CENPE: variants seen among roughly 807,000 people sequenced by gnomAD.
The protein encoded by CENPE is centromere-associated protein E.
In CENPE, 145 loss-of-function variants were observed where a neutral mutation model predicts 336.1. The observed-to-expected ratio is 0.43, with a 90% CI of 0.38 to 0.50. CENPE has a LOEUF of 0.50. Ranked by LOEUF, CENPE falls within the 20% of genes least tolerant of loss-of-function variation. The probability of loss-of-function intolerance (pLI) is 0.00; values close to 1 mark genes in which losing one functional copy is unlikely to be tolerated. For missense variants in CENPE, 2,719 were observed against 3,023.3 expected, an observed-to-expected ratio of 0.90 and a Z score of 2.36; for synonymous variants, 1,013 against 984.8, an observed-to-expected ratio of 1.03 and a Z score of -0.54.
rs527871382 is a variant in CENPE at position 103,184,434 on chromosome 4, G to T, written c.746-1146C>A. On this transcript the variant is annotated intron_variant, in intron 9 of 48. Coordinates refer to ENST00000265148, the MANE Select transcript of CENPE (RefSeq NM_001813.3). Reference sequence around the variant, plus strand: ...TTTAAGGCATCTGGACTTTGTATCAGTTACAAAAGGGTTTTCCCACTGTAA... The same window carrying T: ...TTTAAGGCATCTGGACTTTGTATCATTTACAAAAGGGTTTTCCCACTGTAA... 1.6e-4 allele frequency among the ~76,000 whole-genome samples: 24 copies of T among 152,256 alleles called. No homozygotes were observed. In the East Asian group the frequency reaches 4.1e-3, roughly 26 times the overall value.
chr4:103,155,396 A>G (rs1753883511), intron 24 of CENPE, among the ~76,000 whole-genome samples: 1 of 152,088 alleles, frequency 6.6e-6, no homozygotes, highest in African/African-American at 2.4e-5. Context: ...TGCAGCCTCA[A>G]CCTTCCTGGG....
Position 103,153,201 on chromosome 4 carries a change from G to T in CENPE, c.3083C>A (p.Thr1028Lys). The T allele has an allele frequency of 2.5e-6, 4 of 1,612,760 alleles. No individual in the cohort carries two copies. Among genetic ancestry groups the T allele is most frequent in the Non-Finnish European group, 3.4e-6 (4 of 1,179,426 alleles). Residue 1028 changes from threonine (T) to lysine (K), a missense_variant, in exon 25 of 49, where the codon ACA (threonine) becomes AAA (lysine). Thr to Lys is a moderately conservative substitution (Grantham distance 78). Transcript: ENST00000265148. ...ATTATCCTTAACATCTGCAGTTAGT[G>T]TTTGGGTATTTTTAGCTTCCAAATC... ...KQDLEAKNTQ[T>K]LTADVKDNEI...
chr4:103,107,631 T>C (rs1387169797), intron 48 of CENPE, among the ~76,000 whole-genome samples: 2 of 152,192 alleles, frequency 1.3e-5, no homozygotes, highest in African/African-American at 2.4e-5. Flanking sequence ...CCCCCACTTC[T>C]GTGGACAACC....
Position 103,148,973 on chromosome 4 carries a change from T to C in CENPE, c.3714A>G (p.Lys1238=). ...ATGLQTKEEL[K]IAHIHLKEHQ... ...GTTCTTTTAGGTGAATATGAGCAATTTTTAGTTCTTCTTTGGTTTGTAGGC... is the reference window on the plus strand; with the variant it reads ...GTTCTTTTAGGTGAATATGAGCAATCTTTAGTTCTTCTTTGGTTTGTAGGC... Residue 1238 remains lysine, a synonymous_variant, in exon 28 of 49, where the codon AAA becomes AAG. Transcript: ENST00000265148. The C allele has an allele frequency of 1.2e-6, 2 of 1,613,614 alleles. No homozygotes were observed. The highest frequency in any genetic ancestry group is 1.7e-6 in the Non-Finnish European group (2 of 1,179,866).
chr4:103,197,456 G>A (rs1266693617), intron 1 of CENPE, among the ~76,000 whole-genome samples: 2 of 152,214 alleles, frequency 1.3e-5, no homozygotes, highest in African/African-American at 4.8e-5. Flanking sequence ...CATAACACTT[G>A]TCAAAAGGTA....
At chr4:103,184,886 T>C (rs1183129614) in intron 9 of CENPE, among the ~76,000 whole-genome samples, 2 of 152,232 alleles carry the variant, frequency 1.3e-5, no homozygotes, top group African/African-American at 4.8e-5. Context: ...ATAGTCTTAT[T>C]AGGATTGTGT....
Position 103,140,096 on chromosome 4 carries a change from A to G in CENPE, c.5914-17T>C. 1 of 1,584,012 alleles carries G rather than the reference A, an allele frequency of 6.3e-7. No homozygotes were observed. The highest frequency in any genetic ancestry group is 8.6e-7 in the Non-Finnish European group (1 of 1,166,302). The stretch of plus-strand genomic sequence containing the variant: ...TTCTTGGATCTTGAGATAATTGTAA[A>G]ACAAGTTAGAATGTAAGCAGTTTCT... On this transcript the variant is annotated splice_polypyrimidine_tract_variant and intron_variant, in intron 37 of 48. Coordinates refer to ENST00000265148, the MANE Select transcript of CENPE (RefSeq NM_001813.3).
At chr4:103,150,553 C>T (rs1753456336) in intron 26 of CENPE, among the ~76,000 whole-genome samples, 1 of 151,880 alleles carries the variant, frequency 6.6e-6, no homozygotes, top group Non-Finnish European at 1.5e-5. Context: ...CCACTGCACT[C>T]CAGCCTGGGT....
intron 13 of CENPE, 150 bp from the exon 14 acceptor site, chr4:103,177,196 T>C: frequency 1.8e-6 from 1 of 552,568 alleles, no homozygotes; most frequent in Non-Finnish European, 3.0e-6. Flanking sequence ...GGATATTGCT[T>C]AAAAAAAAAA....
rs1751444830 is a variant in CENPE at position 103,129,953 on chromosome 4, A to C, written c.6924+2740T>G. On this transcript the variant is annotated intron_variant, in intron 42 of 48. Transcript: ENST00000265148. ...GATCATATCAATGGATGCAGAAAAAATTTGTCAAAATCCAATACCCATTCA... is the reference window on the plus strand; with the variant it reads ...GATCATATCAATGGATGCAGAAAAACTTTGTCAAAATCCAATACCCATTCA... Among the ~76,000 whole-genome samples the C allele has an allele frequency of 2.6e-5, 4 of 152,190 alleles. No individual in the cohort carries two copies. The South Asian group carries it at 8.3e-4, about 31-fold the overall frequency.
intron 6 of CENPE, 46 bp from the exon 7 acceptor site, chr4:103,194,487 T>A: frequency 6.7e-7 from 1 of 1,485,828 alleles, no homozygotes; most frequent in Non-Finnish European, 9.2e-7. Context: ...ATAAAATCCA[T>A]AGAAACACAA....
Position 103,140,031 on chromosome 4 carries a change from C to A in CENPE, c.5962G>T (p.Asp1988Tyr), listed in dbSNP as rs752483061. 1.2e-6 allele frequency: 2 copies of A among 1,611,974 alleles called. No homozygotes were observed. Among genetic ancestry groups the A allele is most frequent in the African/African-American group, 2.7e-5 (2 of 74,862 alleles). Residue 1988 changes from aspartate to tyrosine, a missense_variant, in exon 38 of 49, where the codon GAT becomes TAT. Physicochemically the swap from Asp to Tyr is radical, Grantham distance 160. Coordinates refer to ENST00000265148, the MANE Select transcript of CENPE (RefSeq NM_001813.3). Reference sequence around the variant, plus strand: ...ATTTTTTTATGACTCATATTGACATCTTCTTTCACTCTAAGCAGTTGAAGT... The same window carrying A: ...ATTTTTTTATGACTCATATTGACATATTCTTTCACTCTAAGCAGTTGAAGT... The part of the protein sequence containing the change: ...KELQLLRVKE[D>Y]VNMSHKKINE...
chr4:103,172,469 A>G (rs1039439582), intron 16 of CENPE, among the ~76,000 whole-genome samples: 6 of 152,072 alleles, frequency 3.9e-5, no homozygotes, highest in African/African-American at 1.4e-4. Flanking sequence ...AAGGCCACAT[A>G]CAACAAACCC....
chr4:103,151,257 C>T lies in CENPE; in HGVS notation c.3358G>A (p.Asp1120Asn). 1 of 1,604,050 alleles carries T rather than the reference C, an allele frequency of 6.2e-7. No individual in the cohort carries two copies. The highest frequency in any genetic ancestry group is 8.5e-7 in the Non-Finnish European group (1 of 1,177,866). The part of the protein sequence containing the change: ...KKEGELSRTC[D>N]RLAEVEEKLK... ...TTTTCTTCAACTTCTGCCAGTCTGT[C>T]ACAGGTCCTAGAAAGCTCTCCTTCT... The change falls in exon 26 of 49, where the codon GAC becomes AAC. Residue 1120 changes from aspartate (D) to asparagine (N), a missense_variant. This residue lies in a region of CENPE where 2,437 missense variants were observed against 2,513.3 expected (regional missense o/e 0.97). Coordinates refer to ENST00000265148, the MANE Select transcript of CENPE (RefSeq NM_001813.3).
chr4:103,157,090 G>C (rs920855746), intron 24 of CENPE, among the ~76,000 whole-genome samples: 3 of 146,850 alleles, frequency 2.0e-5, no homozygotes, highest in Non-Finnish European at 4.5e-5. Context: ...ACAGAAAATA[G>C]TGTGTTGGCA....
At position 103,147,633 on chromosome 4, in the gene CENPE, T is replaced by C. The variant is rs761768156; in HGVS notation, c.3857A>G (p.His1286Arg). The C allele has an allele frequency of 2.5e-6, 4 of 1,611,410 alleles. No individual in the cohort carries two copies. Among genetic ancestry groups the C allele is most frequent in the Admixed American group, 3.3e-5 (2 of 59,936 alleles). Residue 1286 changes from histidine (H) to arginine (R), a missense_variant, in exon 29 of 49, where the codon CAT (histidine) becomes CGT (arginine). Coordinates refer to ENST00000265148, the MANE Select transcript of CENPE (RefSeq NM_001813.3). ...ATTAGGCAGTAACTCTTGTTCCTCATGAAGCACTGGGATCTTAGGACATTC... is the reference window on the plus strand; with the variant it reads ...ATTAGGCAGTAACTCTTGTTCCTCACGAAGCACTGGGATCTTAGGACATTC... Reference protein sequence around the residue: ...TKLQEEIPVLHEEQELLPNVK... With the variant: ...TKLQEEIPVLREEQELLPNVK...
At chr4:103,137,820 T>C (rs1483011392) in intron 39 of CENPE, among the ~76,000 whole-genome samples, 1 of 152,186 alleles carries the variant, frequency 6.6e-6, no homozygotes, top group African/African-American at 2.4e-5. Flanking sequence ...CTATTTTCAA[T>C]ATAACAATTA....
chr4:103,196,950 T>C (rs1479195249), intron 1 of CENPE, 100 bp from the exon 2 acceptor site: 4 of 686,738 alleles, frequency 5.8e-6, no homozygotes, highest in East Asian at 2.7e-5. Context: ...TTTTGAAAGA[T>C]AGTAACATAA....
chr4:103,181,253 G>A (rs1187233246), intron 12 of CENPE, 84 bp downstream of exon 12: 4 of 925,478 alleles, frequency 4.3e-6, no homozygotes, highest in Non-Finnish European at 6.0e-6. Flanking sequence ...AGATATTCAG[G>A]AATGAAGAGT....
Sources: gnomAD v4.1 joint callset for allele counts (sites outside exome capture counted in the v4.1 genomes callset) on GRCh38, gnomAD v4.1.1 for gene constraint, gnomAD v4.1.1 regional missense constraint, MANE v1.5 for transcripts, NCBI Gene and HGNC (gene_info 2026-07-23, HGNC 2026-07-21) for gene names.